The following TAX1BP1 variants were observed in gnomAD, a reference collection of about 807,000 sequenced individuals.
TAX1BP1 encodes the protein Tax1 binding protein 1, also known as tax1-binding protein 1.
TAX1BP1 carries 62 observed loss-of-function variants against 97.7 expected under a neutral mutation model. That is an observed-to-expected ratio of 0.63 (90% CI 0.52 to 0.78). The LOEUF (loss-of-function observed/expected upper bound fraction) is 0.78. Among genes scored for constraint, TAX1BP1 ranks in the 30% least tolerant of loss-of-function variants. The probability of loss-of-function intolerance (pLI) is 0.00; values close to 1 mark genes in which losing one functional copy is unlikely to be tolerated. For missense variants in TAX1BP1, 867 were observed against 916.1 expected (o/e 0.95, Z 0.69); for synonymous variants, 340 against 304.2 (o/e 1.12, Z -1.23).
chr7:27,761,518 A>C (rs1323782847), intron 3 of TAX1BP1, among the ~76,000 whole-genome samples: 1 of 152,180 alleles, frequency 6.6e-6, no homozygotes, highest in Non-Finnish European at 1.5e-5. Context: ...AAACCCTGGC[A>C]ACCAGTGATG....
chr7:27,768,580 TTAA>T (rs1040967196), intron 4 of TAX1BP1, among the ~76,000 whole-genome samples: 15 of 152,136 alleles, frequency 9.9e-5, no homozygotes, highest in Non-Finnish European at 2.1e-4. Context: ...TAATGCCAAA[TTAA>T]TAATGACATT....
intron 5 of TAX1BP1, among the ~76,000 whole-genome samples, chr7:27,777,405 C>A (rs1173776552): frequency 6.6e-6 from 1 of 152,108 alleles, no homozygotes; most frequent in Non-Finnish European, 1.5e-5. Context: ...TGAGGAAAGA[C>A]CCTTCTTTCA....
intron 15 of TAX1BP1, among the ~76,000 whole-genome samples, chr7:27,822,783 A>T (rs1399544844): frequency 2.0e-5 from 3 of 152,138 alleles, no homozygotes; most frequent in Non-Finnish European, 4.4e-5. Flanking sequence ...GCAGCACAAA[A>T]CTTTTTAGTT....
intron 5 of TAX1BP1, among the ~76,000 whole-genome samples, chr7:27,779,719 A>G (rs760372763): frequency 1.3e-5 from 2 of 152,218 alleles, no homozygotes; most frequent in Non-Finnish European, 2.9e-5. Context: ...GTAACAGTCT[A>G]TGTCATAAGT....
Position 27,745,361 on chromosome 7 carries a change from A to T in TAX1BP1, c.-7-3157A>T, listed in dbSNP as rs148215508. Among the ~76,000 whole-genome samples the T allele has an allele frequency of 1.2e-3, 188 of 152,322 alleles. 2 individuals carry two copies. Among genetic ancestry groups the T allele is most frequent in the African/African-American group, 4.3e-3 (177 of 41,562 alleles). ...TCCAACATTTTTGTAAGCTTGCCTA[A>T]GTCTGTTATCTGTAGGAGGAGTGAA... On this transcript the variant is annotated intron_variant, in intron 1 of 16. Transcript: ENST00000396319.
At chr7:27,826,630 C>T (rs774981859) in intron 15 of TAX1BP1, among the ~76,000 whole-genome samples, 5 of 152,162 alleles carry the variant, frequency 3.3e-5, no homozygotes, top group Non-Finnish European at 7.3e-5. Flanking sequence ...GATGATGTGC[C>T]TGGTTTCAGT....
intron 3 of TAX1BP1, among the ~76,000 whole-genome samples, chr7:27,763,738 A>C (rs569752625): frequency 6.6e-6 from 1 of 152,076 alleles, no homozygotes; most frequent in South Asian, 2.1e-4. Flanking sequence ...ACTGCACTCC[A>C]GCCTGGGTGA....
At chr7:27,816,303 A>G (rs1790765894) in intron 13 of TAX1BP1, 46 bp from the exon 14 acceptor site, 1 of 1,426,708 alleles carries the variant, frequency 7.0e-7, no homozygotes, top group African/African-American at 1.5e-5. Context: ...TATTTATGAA[A>G]TATTTTATTG....
intron 5 of TAX1BP1, among the ~76,000 whole-genome samples, chr7:27,770,776 ATTTG>A (rs1788816268): frequency 1.3e-5 from 2 of 152,084 alleles, no homozygotes; most frequent in Non-Finnish European, 2.9e-5. Flanking sequence ...GCTTTGTTCT[ATTTG>A]TTTGAGGATT....
intron 3 of TAX1BP1, among the ~76,000 whole-genome samples, chr7:27,763,232 T>C (rs541586750): frequency 5.4e-4 from 82 of 152,332 alleles, no homozygotes; most frequent in Non-Finnish European, 1.0e-3. Flanking sequence ...CTAAACGTGA[T>C]TGTTTTCCTA....
intron 5 of TAX1BP1, chr7:27,772,101 G>A (rs1002994834): frequency 5.9e-5 from 9 of 151,470 alleles, no homozygotes; most frequent in Non-Finnish European, 1.0e-4. Flanking sequence ...GGGATAAAAC[G>A]TGTTGGCCAG....
At position 27,748,669 on chromosome 7, in the gene TAX1BP1, T is replaced by G; in HGVS notation, c.145T>G (p.Trp49Gly). ...TPYIHPHPKD[W>G]VGIFKVGWST... Reference sequence around the variant, plus strand: ...ATATATTCATCCACATCCAAAAGATTGGGTTGGTATATTCAAGGTAAGAAA... The same window carrying G: ...ATATATTCATCCACATCCAAAAGATGGGGTTGGTATATTCAAGGTAAGAAA... The change falls in exon 2 of 17, where the codon TGG becomes GGG. Residue 49 changes from tryptophan (W) to glycine (G), a missense_variant. Physicochemically the swap from Trp to Gly is radical, Grantham distance 184 (BLOSUM62 -2). Transcript: ENST00000396319. 1 of 1,550,736 alleles carries G rather than the reference T, an allele frequency of 6.4e-7. No homozygotes were observed. Among genetic ancestry groups the G allele is most frequent in the Non-Finnish European group, 8.7e-7 (1 of 1,143,490 alleles).
chr7:27,790,052 C>T (rs1480461948), intron 8 of TAX1BP1, among the ~76,000 whole-genome samples: 1 of 151,860 alleles, frequency 6.6e-6, no homozygotes, highest in Non-Finnish European at 1.5e-5. Flanking sequence ...TTAAACAGTA[C>T]ATGAGGATAC....
chr7:27,745,323 A>AT (rs1405377528), intron 1 of TAX1BP1, among the ~76,000 whole-genome samples: 3 of 152,210 alleles, frequency 2.0e-5, no homozygotes, highest in African/African-American at 7.2e-5. Context: ...CGACCTTGAC[A>AT]TTCTCAGTGA....
At chr7:27,824,991 T>G (rs1791119540) in intron 15 of TAX1BP1, among the ~76,000 whole-genome samples, 1 of 152,192 alleles carries the variant, frequency 6.6e-6, no homozygotes, top group Non-Finnish European at 1.5e-5. Context: ...TAAGTTTCAG[T>G]GCTGAAACTG....
intron 8 of TAX1BP1, among the ~76,000 whole-genome samples, 199 bp downstream of exon 8, chr7:27,787,802 A>G (rs1040468019): frequency 6.6e-6 from 1 of 152,058 alleles, no homozygotes; most frequent in Non-Finnish European, 1.5e-5. Flanking sequence ...CCTCATTTAT[A>G]TGCCTTTTTT....
chr7:27,799,907 T>C, intron 12 of TAX1BP1, 58 bp from the exon 13 acceptor site: 1 of 1,417,724 alleles, frequency 7.1e-7, no homozygotes, highest in East Asian at 2.3e-5. Flanking sequence ...TACATTAGTA[T>C]AGATTTTCAC....
chr7:27,797,449 G>C (rs1005943987), intron 12 of TAX1BP1, among the ~76,000 whole-genome samples: 64 of 152,050 alleles, frequency 4.2e-4, no homozygotes, highest in African/African-American at 1.4e-3. Flanking sequence ...GTTTGTGCAA[G>C]TGATTTTTGT....
intron 3 of TAX1BP1, among the ~76,000 whole-genome samples, chr7:27,763,340 A>G (rs1373479873): frequency 6.6e-6 from 1 of 152,148 alleles, no homozygotes; most frequent in African/African-American, 2.4e-5. Context: ...TTCCCATTTT[A>G]TTTTCAGTAT....
Sources: allele counts gnomAD v4.1 joint callset (sites outside exome capture counted in the v4.1 genomes callset), GRCh38; gene constraint gnomAD v4.1.1; transcripts MANE v1.5; gene names NCBI Gene and HGNC (gene_info 2026-07-23, HGNC 2026-07-21).